Variants in PUDP observed in about 807,000 individuals in gnomAD.
PUDP encodes the protein pseudouridine 5'-phosphatase.
In PUDP, 8 loss-of-function variants were observed where a neutral mutation model predicts 9.4. The ratio of observed to expected loss-of-function variants is 0.85; its 90% CI spans 0.50 to 1.53. PUDP has a LOEUF of 1.53. PUDP is among the 40% of genes most tolerant of loss of function. The probability of loss-of-function intolerance (pLI) is 0.00; values close to 1 mark genes in which losing one functional copy is unlikely to be tolerated. For missense variants in PUDP, 188 were observed against 189.7 expected, an observed-to-expected ratio of 0.99 and a Z score of 0.05; for synonymous variants, 99 against 80.7, an observed-to-expected ratio of 1.23 and a Z score of -1.22.
intron 3 of PUDP, among the ~76,000 whole-genome samples, chrX:6,839,487 C>T (rs1257347342): frequency 8.9e-6 from 1 of 111,816 alleles, no homozygotes; most frequent in African/African-American, 3.3e-5. Context: ...ACTCCCCCGA[C>T]CATGATAAAT....
intron 3 of PUDP, among the ~76,000 whole-genome samples, chrX:6,732,202 C>G (rs1192856947): frequency 9.0e-6 from 1 of 111,536 alleles, no homozygotes; most frequent in African/African-American, 3.3e-5. Context: ...AGATGAAAGG[C>G]ACCTTTCAGA....
intron 3 of PUDP, among the ~76,000 whole-genome samples, chrX:6,749,878 G>A (rs1037271237): frequency 8.9e-6 from 1 of 111,935 alleles, no homozygotes; most frequent in African/African-American, 3.2e-5. Context: ...GATGGAGTGC[G>A]TTAATTTTTT....
intron 3 of PUDP, among the ~76,000 whole-genome samples, chrX:6,944,033 C>T (rs1260062962): frequency 1.8e-5 from 2 of 111,566 alleles, no homozygotes; most frequent in East Asian, 2.8e-4. Context: ...CAAAAGAATA[C>T]GTGGAATTAC....
chrX:6,966,688 C>T (rs1281874076), intron 3 of PUDP, among the ~76,000 whole-genome samples: 2 of 110,297 alleles, frequency 1.8e-5, no homozygotes, highest in Non-Finnish European at 3.8e-5. Context: ...GTTGGGACTA[C>T]AGGTGTGCAC....
chrX:6,789,873 T>TA (rs1925713002), intron 3 of PUDP, among the ~76,000 whole-genome samples: 2 of 106,079 alleles, frequency 1.9e-5, no homozygotes, highest in Admixed American at 1.0e-4. Flanking sequence ...GATTGATAGA[T>TA]GATAGATATA....
intron 1 of PUDP, among the ~76,000 whole-genome samples, chrX:7,013,355 A>G (rs1458076882): frequency 8.9e-6 from 1 of 112,320 alleles, no homozygotes; most frequent in East Asian, 2.8e-4. Context: ...TCCAATATCA[A>G]CTTCAAGGGA....
At chrX:7,057,189 T>A (rs1053608207) in intron 3 of PUDP, among the ~76,000 whole-genome samples, 5 of 112,417 alleles carry the variant, frequency 4.4e-5, no homozygotes, top group Admixed American at 1.9e-4. Context: ...AGCTTAAAAG[T>A]TCCATTTTAT....
intron 1 of PUDP, among the ~76,000 whole-genome samples, chrX:6,990,033 C>T (rs931017227): frequency 3.6e-5 from 4 of 110,098 alleles, no homozygotes; most frequent in African/African-American, 6.6e-5. Flanking sequence ...TCCCTCCCAA[C>T]GTCGCACCTT....
intron 3 of PUDP, among the ~76,000 whole-genome samples, chrX:6,866,738 T>C (rs1039125572): frequency 8.9e-6 from 1 of 112,278 alleles, no homozygotes; most frequent in African/African-American, 3.2e-5. Flanking sequence ...TTTTGACGAC[T>C]GTGTGTGAGA....
chrX:6,736,321 T>A (rs1924872037), intron 3 of PUDP, among the ~76,000 whole-genome samples: 1 of 111,537 alleles, frequency 9.0e-6, no homozygotes, highest in Non-Finnish European at 1.9e-5. Context: ...AATAATGCCC[T>A]CCTATCCCCA....
At chrX:6,938,966 A>G (rs1162958856) in intron 3 of PUDP, among the ~76,000 whole-genome samples, 1 of 110,495 alleles carries the variant, frequency 9.1e-6, no homozygotes. Flanking sequence ...ATTCTGGTGG[A>G]CTAATTATAA....
chrX:6,726,050 T>C (rs1420385628), upstream of PUDP, among the ~76,000 whole-genome samples: 1 of 111,883 alleles, frequency 8.9e-6, no homozygotes, highest in Non-Finnish European at 1.9e-5. Context: ...CCTTCTCAAA[T>C]CTCTCACCTT....
chrX:6,853,401 T>C (rs187070839), intron 3 of PUDP, among the ~76,000 whole-genome samples: 1 of 110,589 alleles, frequency 9.0e-6, no homozygotes, highest in Admixed American at 9.7e-5. Flanking sequence ...CTGGTATCCA[T>C]GAACAGTAAG....
At chrX:6,841,007 G>A (rs1290287954) in intron 3 of PUDP, among the ~76,000 whole-genome samples, 1 of 111,975 alleles carries the variant, frequency 8.9e-6, no homozygotes, top group Non-Finnish European at 1.9e-5. Flanking sequence ...GGTTGGGCGC[G>A]GAGGCTCACG....
intron 3 of PUDP, among the ~76,000 whole-genome samples, chrX:6,967,058 C>T (rs1382750835): frequency 2.7e-5 from 3 of 110,981 alleles, no homozygotes; most frequent in Non-Finnish European, 5.7e-5. Context: ...TGTAGGGGGC[C>T]GTGTTTCAGG....
At chrX:6,894,570 T>C (rs1275796852) in intron 3 of PUDP, among the ~76,000 whole-genome samples, 2 of 112,282 alleles carry the variant, frequency 1.8e-5, no homozygotes, top group Non-Finnish European at 3.8e-5. Context: ...GTATCACAAG[T>C]CTGACATCAG....
In PUDP at chrX:7,105,837, A is replaced by T. The variant is rs749821987; in HGVS notation, c.63T>A (p.Asp21Glu). 8.6e-7 allele frequency: 1 copy of T among 1,162,698 alleles called. No homozygotes were observed. The highest frequency in any genetic ancestry group is 2.3e-5 in the Admixed American group (1 of 42,569). Reference protein sequence around the residue: ...LIFDMDGLLLDTERLYSVVFQ... With the variant: ...LIFDMDGLLLETERLYSVVFQ... ...ACACCACTGAATACAGCCGTTCAGTATCTGCAGGAAAAAAAAAAGAGATTT... is the reference window on the plus strand; with the variant it reads ...ACACCACTGAATACAGCCGTTCAGTTTCTGCAGGAAAAAAAAAAGAGATTT... Residue 21 changes from aspartate (D) to glutamate (E), a missense_variant and splice_region_variant, in exon 2 of 4, where the codon GAT (aspartate) becomes GAA (glutamate). Transcript: ENST00000381077.
At chrX:7,085,017 T>G (rs773838187) in intron 2 of PUDP, 1 of 112,384 alleles carries the variant, frequency 8.9e-6, no homozygotes, top group East Asian at 2.8e-4. Context: ...CTGGAAAATG[T>G]GTACCCAGAG....
intron 1 of PUDP, among the ~76,000 whole-genome samples, chrX:6,712,668 C>T (rs1027291094): frequency 2.7e-5 from 3 of 111,687 alleles, no homozygotes; most frequent in African/African-American, 9.8e-5. Context: ...GGAAGCAGCC[C>T]TCACAGGATC....
Sources: allele counts gnomAD v4.1 joint callset (sites outside exome capture counted in the v4.1 genomes callset), GRCh38; gene constraint gnomAD v4.1.1; transcripts MANE v1.5; gene names NCBI Gene and HGNC (gene_info 2026-07-23, HGNC 2026-07-21).